NAALADL2: variants seen among roughly 807,000 people sequenced by gnomAD.
NAALADL2 encodes inactive N-acetylated-alpha-linked acidic dipeptidase-like protein 2.
In NAALADL2, 76 loss-of-function variants were observed where a neutral mutation model predicts 87.2. The observed-to-expected ratio is 0.87, with a 90% CI of 0.72 to 1.05. NAALADL2 has a LOEUF of 1.05. Ranked by LOEUF, NAALADL2 falls within the 50% of genes least tolerant of loss-of-function variation. NAALADL2 has a pLI of 0.00. For synonymous variants in NAALADL2, 354 were observed against 331.0 expected (o/e 1.07, Z -0.75); for missense variants, 1,089 against 945.8 (o/e 1.15, Z -1.99).
chr3:175,058,985 T>C (rs1712840069), intron 1 of NAALADL2, among the ~76,000 whole-genome samples: 1 of 152,196 alleles, frequency 6.6e-6, no homozygotes, highest in South Asian at 2.1e-4. Flanking sequence ...ATCCTCATAG[T>C]GAATTTAGAA....
At chr3:174,984,628 A>C (rs945689419) in intron 1 of NAALADL2, among the ~76,000 whole-genome samples, 1 of 152,204 alleles carries the variant, frequency 6.6e-6, no homozygotes, top group Admixed American at 6.5e-5. Context: ...GGGAAAGAGA[A>C]ATACAGATTG....
intron 1 of NAALADL2, among the ~76,000 whole-genome samples, chr3:175,013,296 TATATA>T (rs1444946764): frequency 4.4e-4 from 34 of 77,452 alleles, no homozygotes; most frequent in African/African-American, 1.5e-3. Flanking sequence ...TATATATATA[TATATA>T]TTTTTTTTTT....
rs141589131 is a variant in NAALADL2 at position 175,189,922 on chromosome 3, A to G, written c.546-44009A>G. On this transcript the variant is annotated intron_variant, in intron 2 of 13. Coordinates refer to ENST00000454872, the MANE Select transcript of NAALADL2 (RefSeq NM_207015.3). ...AAATAGACAGTCCAGAAATAAACCCAATCATATACAGTGAACTTGCATGCC... is the reference window on the plus strand; with the variant it reads ...AAATAGACAGTCCAGAAATAAACCCGATCATATACAGTGAACTTGCATGCC... Among the ~76,000 whole-genome samples the G allele has an allele frequency of 4.2e-3, 633 of 152,338 alleles. 4 individuals carry two copies. The highest frequency in any genetic ancestry group is 0.015 in the African/African-American group (606 of 41,568).
intron 3 of NAALADL2, among the ~76,000 whole-genome samples, chr3:174,744,483 T>G (rs1325025847): frequency 6.6e-6 from 1 of 151,960 alleles, no homozygotes; most frequent in Non-Finnish European, 1.5e-5. Flanking sequence ...AGACTTAGAC[T>G]CCCACACAAA....
chr3:175,045,526 T>C (rs540860620), intron 1 of NAALADL2, among the ~76,000 whole-genome samples: 1 of 152,324 alleles, frequency 6.6e-6, no homozygotes, highest in Non-Finnish European at 1.5e-5. Context: ...GAGATTTTAA[T>C]TTACTTTCAG....
chr3:175,002,321 C>G (rs2108766490), intron 1 of NAALADL2, among the ~76,000 whole-genome samples: 1 of 152,204 alleles, frequency 6.6e-6, no homozygotes, highest in African/African-American at 2.4e-5. Context: ...TGAGAAACAT[C>G]TTATAGAAGA....
intron 3 of NAALADL2, among the ~76,000 whole-genome samples, chr3:174,795,078 G>A (rs966923806): frequency 7.8e-5 from 10 of 127,644 alleles, no homozygotes; most frequent in Admixed American, 2.0e-4. Flanking sequence ...CACAACCTCC[G>A]CCTCCCAGGT....
chr3:174,505,979 T>A (rs73881192), intron 1 of NAALADL2, among the ~76,000 whole-genome samples: 4,779 of 152,186 alleles, frequency 0.031, 241 homozygotes, highest in African/African-American at 0.11. Flanking sequence ...TTCCAGACCC[T>A]TGGGTGTATC....
intron 1 of NAALADL2, among the ~76,000 whole-genome samples, chr3:174,904,797 A>G (rs1361683846): frequency 1.3e-5 from 2 of 151,844 alleles, no homozygotes; most frequent in Non-Finnish European, 2.9e-5. Context: ...AACTTGTGAA[A>G]TAGTTACATC....
intron 1 of NAALADL2, among the ~76,000 whole-genome samples, chr3:175,086,903 A>G (rs531881254): frequency 6.6e-6 from 1 of 152,288 alleles, no homozygotes; most frequent in Admixed American, 6.5e-5. Context: ...TATTTTTATT[A>G]AAGATGCTAA....
chr3:175,557,976 C>T (rs1326432081), intron 9 of NAALADL2, among the ~76,000 whole-genome samples: 10 of 151,918 alleles, frequency 6.6e-5, no homozygotes, highest in African/African-American at 9.7e-5. Flanking sequence ...GGACAGATCA[C>T]GAGGTCAGGA....
intron 5 of NAALADL2, among the ~76,000 whole-genome samples, chr3:175,421,211 A>C (rs1245904767): frequency 6.6e-6 from 1 of 151,998 alleles, no homozygotes; most frequent in African/African-American, 2.4e-5. Flanking sequence ...GCCATCTCCT[A>C]GGGTGGATAA....
intron 9 of NAALADL2, among the ~76,000 whole-genome samples, chr3:175,494,634 G>A (rs987336143): frequency 1.3e-5 from 2 of 151,996 alleles, no homozygotes; most frequent in Admixed American, 1.3e-4. Context: ...TTATGAAAAA[G>A]CACAGGAAAA....
At chr3:175,140,691 C>T (rs573838062) in intron 2 of NAALADL2, among the ~76,000 whole-genome samples, 7 of 152,086 alleles carry the variant, frequency 4.6e-5, no homozygotes, top group East Asian at 1.9e-4. Context: ...AGTGACATAA[C>T]GGAGAATGTT....
At chr3:174,679,199 T>G (rs1727304122) in intron 2 of NAALADL2, among the ~76,000 whole-genome samples, 2 of 152,138 alleles carry the variant, frequency 1.3e-5, no homozygotes, top group Admixed American at 1.3e-4. Context: ...ACCCTGTAAG[T>G]CTGAACTTCT....
chr3:175,279,749 C>A (rs4555531), intron 4 of NAALADL2, among the ~76,000 whole-genome samples: 44,411 of 150,974 alleles, frequency 0.29, 7,039 homozygotes, highest in East Asian at 0.48. Context: ...TCTGAATTTT[C>A]CAACAATCGC....
At chr3:175,448,458 T>C (rs1315563716) in intron 6 of NAALADL2, among the ~76,000 whole-genome samples, 2 of 152,210 alleles carry the variant, frequency 1.3e-5, no homozygotes, top group African/African-American at 4.8e-5. Context: ...TAAAAGACCA[T>C]ATTTAAGCCC....
At chr3:175,019,824 A>C (rs1037538637) in intron 1 of NAALADL2, among the ~76,000 whole-genome samples, 1 of 152,088 alleles carries the variant, frequency 6.6e-6, no homozygotes, top group South Asian at 2.1e-4. Flanking sequence ...CTCTTATGCA[A>C]ATTATTTAGT....
intron 9 of NAALADL2, among the ~76,000 whole-genome samples, chr3:175,490,918 G>C (rs1383166456): frequency 6.6e-6 from 1 of 151,956 alleles, no homozygotes; most frequent in Admixed American, 6.6e-5. Context: ...ATGCACTTGA[G>C]GTACGAGATT....
Sources: allele counts gnomAD v4.1 joint callset (sites outside exome capture counted in the v4.1 genomes callset), GRCh38; gene constraint gnomAD v4.1.1; transcripts MANE v1.5; gene names NCBI Gene and HGNC (gene_info 2026-07-23, HGNC 2026-07-21).